OSTF1: variants seen among roughly 807,000 people sequenced by gnomAD.
The protein encoded by OSTF1 is osteoclast-stimulating factor 1.
In OSTF1, 27 loss-of-function variants were observed where a neutral mutation model predicts 37.2. That is an observed-to-expected ratio of 0.73 (90% confidence interval 0.54 to 1.00). The LOEUF is 1.00. Ranked by LOEUF, OSTF1 falls within the 50% of genes least tolerant of loss-of-function variation. The pLI is 0.00. For synonymous variants in OSTF1, 82 were observed against 89.2 expected (o/e 0.92, Z 0.46); for missense variants, 232 against 253.8 (o/e 0.91, Z 0.58).
intron 9 of OSTF1, among the ~76,000 whole-genome samples, chr9:75,145,570 A>G (rs1826010708): frequency 6.6e-6 from 1 of 152,102 alleles, no homozygotes; most frequent in Admixed American, 6.6e-5. Context: ...TATTAGGAAA[A>G]GTTTTCCCTC....
chr9:75,114,379 TA>T (rs1269681368), intron 1 of OSTF1, among the ~76,000 whole-genome samples: 1 of 152,110 alleles, frequency 6.6e-6, no homozygotes, highest in Non-Finnish European at 1.5e-5. Context: ...TGAGGGAAAT[TA>T]ACTAAAATAA....
intron 5 of OSTF1, among the ~76,000 whole-genome samples, chr9:75,132,094 G>T (rs1464896844): frequency 6.6e-6 from 1 of 152,214 alleles, no homozygotes; most frequent in Non-Finnish European, 1.5e-5. Context: ...GAAAGACATG[G>T]TCTGTGACTT....
At chr9:75,134,480 G>A (rs1216349942) in intron 7 of OSTF1, 85 bp downstream of exon 7, 5 of 692,816 alleles carry the variant, frequency 7.2e-6, no homozygotes, top group Middle Eastern at 2.6e-4. Flanking sequence ...GTGAAGTATT[G>A]TAGTCAAAAT....
At chr9:75,125,902 A>G (rs998184600) in intron 2 of OSTF1, among the ~76,000 whole-genome samples, 1 of 152,148 alleles carries the variant, frequency 6.6e-6, no homozygotes, top group Non-Finnish European at 1.5e-5. Flanking sequence ...TTTTATTTTT[A>G]ATTTCATTTT....
In OSTF1 at chr9:75,117,579, T is replaced by C. The variant is rs746258026; in HGVS notation, c.81+29T>C. On this transcript the variant is annotated intron_variant, in intron 2 of 9. Coordinates refer to ENST00000346234, the MANE Select transcript of OSTF1 (RefSeq NM_012383.5). ...AGTGTTCAGTTTTTAACTTCTAAAA[T>C]TGACAGAAAAACCTAAGATGATTTT... The C allele has an allele frequency of 1.8e-5, 28 of 1,525,000 alleles. No individual in the cohort carries two copies. The South Asian group carries it at 2.9e-4, about 16-fold the overall frequency. The allele number at this position is 1,525,000 out of a possible 1,614,324, so 94.5% of individuals were successfully genotyped here. A position where few individuals can be genotyped will look rare whatever the true frequency, so the allele number is the denominator to read the frequency against.
At chr9:75,095,178 A>G (rs548665866) in intron 1 of OSTF1, among the ~76,000 whole-genome samples, 3 of 152,360 alleles carry the variant, frequency 2.0e-5, no homozygotes, top group East Asian at 1.9e-4. Flanking sequence ...TGTTATAACA[A>G]ATAGTCTCCC....
At position 75,142,942 on chromosome 9, in the gene OSTF1, C is replaced by CTTT. The variant is rs35793257; in HGVS notation, c.586+2023_586+2025dup. Among the ~76,000 whole-genome samples, 867 of 141,602 alleles carry CTTT rather than the reference C, an allele frequency of 6.1e-3. 12 individuals carry two copies. Among genetic ancestry groups the CTTT allele is most frequent in the Non-Finnish European group, 7.9e-3 (517 of 65,226 alleles). The allele number at this position is 141,602 out of a possible 152,430, so 92.9% of individuals were successfully genotyped here. On this transcript the variant is annotated intron_variant, in intron 9 of 9. Coordinates refer to ENST00000346234, the MANE Select transcript of OSTF1 (RefSeq NM_012383.5). ...AGGTATATTCTGATATTGTTGTCCA[C>CTTT]TTTTTTTTTTTTTTTGAGACAGAGT...
chr9:75,113,655 T>C (rs936022833), intron 1 of OSTF1, among the ~76,000 whole-genome samples: 11 of 152,020 alleles, frequency 7.2e-5, no homozygotes, highest in Non-Finnish European at 1.0e-4. Flanking sequence ...TGCTATGTTG[T>C]CCAGGCTGGG....
At chr9:75,125,360 C>T (rs534241342) in intron 2 of OSTF1, among the ~76,000 whole-genome samples, 15 of 152,310 alleles carry the variant, frequency 9.8e-5, no homozygotes, top group African/African-American at 3.1e-4. Flanking sequence ...CTATATCTAT[C>T]ACATATTGGT....
At chr9:75,111,574 T>C (rs1266678818) in intron 1 of OSTF1, among the ~76,000 whole-genome samples, 1 of 152,146 alleles carries the variant, frequency 6.6e-6, no homozygotes, top group Non-Finnish European at 1.5e-5. Flanking sequence ...AGACAAAAGA[T>C]TGGGCCTCGT....
At chr9:75,146,369 C>G (rs993073807) in intron 9 of OSTF1, among the ~76,000 whole-genome samples, 3 of 152,244 alleles carry the variant, frequency 2.0e-5, no homozygotes, top group African/African-American at 7.2e-5. Flanking sequence ...GCTCAGTTGT[C>G]AGAGTGGAGT....
chr9:75,134,670 A>G (rs567982627), intron 7 of OSTF1, among the ~76,000 whole-genome samples: 1 of 152,212 alleles, frequency 6.6e-6, no homozygotes, highest in Non-Finnish European at 1.5e-5. Context: ...CATTGTCTTC[A>G]TGTGTACTTT....
chr9:75,113,812 A>G (rs960411717), intron 1 of OSTF1, among the ~76,000 whole-genome samples: 2 of 152,192 alleles, frequency 1.3e-5, no homozygotes, highest in Non-Finnish European at 2.9e-5. Flanking sequence ...GAACACTTCA[A>G]ATCTACTCTC....
rs867873455 is a variant in OSTF1, at chr9:75,128,406, A to T, written c.132+787A>T. Among the ~76,000 whole-genome samples, 221 of 63,996 alleles carry T rather than the reference A, an allele frequency of 3.5e-3. 9 individuals are homozygous for T. Among genetic ancestry groups the T allele is most frequent in the African/African-American group, 8.8e-3 (145 of 16,566 alleles). The allele number at this position is 63,996 out of a possible 152,430, so 42.0% of individuals were successfully genotyped here. On this transcript the variant is annotated intron_variant, in intron 3 of 9. Transcript: ENST00000346234. ...TATATATATATATATATATATATAT[A>T]TTTTGTCCATATATATATATATTTT...
At position 75,092,020 on chromosome 9, in the gene OSTF1, GTT is replaced by G. The variant is rs200096128; in HGVS notation, c.34+3296_34+3297del. ...ATACAAGACAGAACATCCTAGCCAT[GTT>G]TCTTACAGCTTCTTTCAGAGCAAGA... On this transcript the variant is annotated intron_variant, in intron 1 of 9. Coordinates refer to ENST00000346234, the MANE Select transcript of OSTF1 (RefSeq NM_012383.5). Among the ~76,000 whole-genome samples, 1,472 of 152,290 alleles carry G rather than the reference GTT, an allele frequency of 9.7e-3. 30 individuals are homozygous for G. Among genetic ancestry groups the G allele is most frequent in the African/African-American group, 0.033 (1,359 of 41,566 alleles).
chr9:75,127,704 T>C, intron 3 of OSTF1, 85 bp downstream of exon 3: 1 of 709,540 alleles, frequency 1.4e-6, no homozygotes, highest in Non-Finnish European at 2.4e-6. Flanking sequence ...AATATATATG[T>C]ACATAGAAAT....
intron 2 of OSTF1, 27 bp from the exon 3 acceptor site, chr9:75,127,541 TG>T: frequency 7.2e-7 from 1 of 1,381,902 alleles, no homozygotes; most frequent in Non-Finnish European, 1.0e-6. Context: ...AAAAATCACA[TG>T]GAGTCAAACT....
intron 9 of OSTF1, among the ~76,000 whole-genome samples, chr9:75,146,285 G>C (rs576660426): frequency 6.6e-6 from 1 of 152,236 alleles, no homozygotes; most frequent in South Asian, 2.1e-4. Context: ...TTTCCCCTTC[G>C]GTAGTTAACG....
intron 1 of OSTF1, among the ~76,000 whole-genome samples, chr9:75,109,231 C>T (rs1825343451): frequency 6.6e-6 from 1 of 152,054 alleles, no homozygotes; most frequent in African/African-American, 2.4e-5. Flanking sequence ...CAGCTGTTCT[C>T]CAACTCCTGA....
Sources: gnomAD v4.1 joint callset for allele counts (sites outside exome capture counted in the v4.1 genomes callset) on GRCh38, gnomAD v4.1.1 for gene constraint, MANE v1.5 for transcripts, NCBI Gene and HGNC (gene_info 2026-07-23, HGNC 2026-07-21) for gene names.